The following RPSA2 variants were observed in gnomAD, a reference collection of about 807,000 sequenced individuals.
RPSA2 encodes ribosomal protein SA 2.
At chr19:23,811,082 G>A in the RPSA2 span, among the ~76,000 whole-genome samples, 4 of 149,526 alleles carry the variant, frequency 2.7e-5, no homozygotes, top group East Asian at 4.0e-4. Flanking sequence ...GCAGTGGCAC[G>A]ATCTTGACTC....
chr19:23,820,731 G>C, the RPSA2 span, among the ~76,000 whole-genome samples: 6 of 152,230 alleles, frequency 3.9e-5, no homozygotes, highest in Non-Finnish European at 5.9e-5. Context: ...AGCATATTTG[G>C]AATCAGTATA....
the RPSA2 span, among the ~76,000 whole-genome samples, chr19:23,801,439 C>T: frequency 2.0e-5 from 3 of 152,266 alleles, no homozygotes; most frequent in Admixed American, 1.3e-4. Flanking sequence ...ACATGGGCTT[C>T]ACCATGTTGG....
At chr19:23,789,891 T>A in the RPSA2 span, among the ~76,000 whole-genome samples, 1 of 152,204 alleles carries the variant, frequency 6.6e-6, no homozygotes, top group Non-Finnish European at 1.5e-5. Context: ...TTGTCCAGGC[T>A]GGTCTAGAAC....
At chr19:23,758,578 C>A in the RPSA2 span, among the ~76,000 whole-genome samples, 1 of 152,202 alleles carries the variant, frequency 6.6e-6, no homozygotes, top group South Asian at 2.1e-4. Flanking sequence ...GGAGAAAGGA[C>A]GCCCGGGGGG....
chr19:23,829,778 G>C, the RPSA2 span, among the ~76,000 whole-genome samples: 1 of 152,060 alleles, frequency 6.6e-6, no homozygotes, highest in Admixed American at 6.5e-5. Context: ...TATGTTGTAT[G>C]TTCATTAACT....
the RPSA2 span, among the ~76,000 whole-genome samples, chr19:23,851,573 C>T: frequency 2.6e-5 from 4 of 152,266 alleles, no homozygotes; most frequent in South Asian, 8.3e-4. Context: ...TTTTTAGTGG[C>T]ATGCATAACA....
chr19:23,813,816 A>G, the RPSA2 span, among the ~76,000 whole-genome samples: 1 of 146,308 alleles, frequency 6.8e-6, no homozygotes, highest in Non-Finnish European at 1.5e-5. Flanking sequence ...TCTGCCTCCC[A>G]GGTTCAAGCG....
chr19:23,766,142 C>CTTTTTTTTTTTTTTTTTTTTTTT, the RPSA2 span, among the ~76,000 whole-genome samples: 19 of 43,260 alleles, frequency 4.4e-4, 9 homozygotes, highest in Admixed American at 7.0e-4. Context: ...TATTTCATTT[C>CTTTTTTTTTTTTTTTTTTTTTTT]CTTTTTTTTT....
At chr19:23,862,924 A>G in the RPSA2 span, among the ~76,000 whole-genome samples, 1 of 127,052 alleles carries the variant, frequency 7.9e-6, no homozygotes, top group African/African-American at 3.0e-5. Context: ...TGTTTTTTTG[A>G]GATGGAGTTT....
the RPSA2 span, among the ~76,000 whole-genome samples, chr19:23,830,716 A>G: frequency 6.6e-6 from 1 of 151,904 alleles, no homozygotes. Context: ...ATTTTAATCA[A>G]TGAGAACTAT....
chr19:23,827,910 A>G, the RPSA2 span: 1 of 894,400 alleles, frequency 1.1e-6, no homozygotes, highest in East Asian at 2.6e-5. Context: ...GACTGGTCTG[A>G]AGGTGTACAG....
the RPSA2 span, among the ~76,000 whole-genome samples, chr19:23,785,893 C>T: frequency 6.6e-6 from 1 of 152,156 alleles, no homozygotes; most frequent in Non-Finnish European, 1.5e-5. Flanking sequence ...GAAATTACCA[C>T]TTTCTTGTAT....
the RPSA2 span, among the ~76,000 whole-genome samples, chr19:23,851,785 C>T: frequency 3.9e-5 from 6 of 152,082 alleles, no homozygotes; most frequent in Admixed American, 6.5e-5. Context: ...TTTGGTCAGT[C>T]GAAGGACCAC....
the RPSA2 span, among the ~76,000 whole-genome samples, chr19:23,813,632 G>A: frequency 6.6e-6 from 1 of 151,266 alleles, no homozygotes; most frequent in African/African-American, 2.4e-5. Context: ...TGGAATTGCT[G>A]TATTTGATAA....
the RPSA2 span, among the ~76,000 whole-genome samples, chr19:23,857,539 A>T: frequency 2.4e-5 from 3 of 127,368 alleles, no homozygotes; most frequent in African/African-American, 9.3e-5. Context: ...TGCCCAGGCT[A>T]GAGTGCAGTG....
the RPSA2 span, among the ~76,000 whole-genome samples, chr19:23,857,832 T>A: frequency 6.6e-6 from 1 of 152,112 alleles, no homozygotes; most frequent in East Asian, 1.9e-4. Context: ...CAATAATTTT[T>A]TTTTCTTAGA....
the RPSA2 span, among the ~76,000 whole-genome samples, chr19:23,763,950 T>C: frequency 6.6e-6 from 1 of 152,200 alleles, no homozygotes; most frequent in South Asian, 2.1e-4. Flanking sequence ...GTTAGTTATG[T>C]AGTCACCTTA....
the RPSA2 span, among the ~76,000 whole-genome samples, chr19:23,826,603 A>T: frequency 6.6e-6 from 1 of 152,102 alleles, no homozygotes; most frequent in African/African-American, 2.4e-5. Flanking sequence ...TGATTGGCTC[A>T]TTTCATTTTG....
the RPSA2 span, among the ~76,000 whole-genome samples, chr19:23,810,546 G>A: frequency 1.3e-5 from 2 of 152,082 alleles, no homozygotes; most frequent in East Asian, 1.9e-4. Context: ...GTCTGCATAT[G>A]GTGTTCTTTA....
Sources: gnomAD v4.1 joint callset for allele counts (sites outside exome capture counted in the v4.1 genomes callset) on GRCh38, gnomAD v4.1.1 for gene constraint, MANE v1.5 for transcripts, NCBI Gene and HGNC (gene_info 2026-07-23, HGNC 2026-07-21) for gene names.